Variants in BIN2 observed in about 807,000 individuals in gnomAD.
BIN2 encodes bridging integrator 2, also known as breast cancer associated protein BRAP1.
Under a neutral mutation model 67.9 loss-of-function variants are expected in BIN2, and 43 were observed. That is an observed-to-expected ratio of 0.63 (90% CI 0.50 to 0.82). The LOEUF (loss-of-function observed/expected upper bound fraction) is 0.82. Ranked by LOEUF, BIN2 falls within the 40% of genes least tolerant of loss-of-function variation. BIN2 has a pLI of 0.00. For missense variants in BIN2, 581 were observed against 671.6 expected (o/e 0.87, Z 1.49); for synonymous variants, 244 against 246.8 (o/e 0.99, Z 0.11).
chr12:51,291,371 G>C (rs1945375952), intron 10 of BIN2, among the ~76,000 whole-genome samples: 1 of 152,074 alleles, frequency 6.6e-6, no homozygotes, highest in Non-Finnish European at 1.5e-5. Context: ...CACTTTGGGA[G>C]GCCAAGACAG....
rs558389492 is a variant in BIN2, at chr12:51,292,310, C to T, written c.796G>A (p.Val266Ile). Residue 266 changes from valine (V) to isoleucine (I), a missense_variant, in exon 10 of 13, where the codon GTT becomes ATT. Coordinates refer to ENST00000615107, the MANE Select transcript of BIN2 (RefSeq NM_016293.4). ...GGACTGGAGACTGTAGCTGTTCGAA[C>T]TGGGGGAGAAATGACTAAAGAGCGC... Reference protein sequence around the residue: ...SRRSLVISPPVRTATVSSPLT... With the variant: ...SRRSLVISPPIRTATVSSPLT... 6.3e-7 allele frequency: 1 copy of T among 1,595,258 alleles called. No individual in the cohort carries two copies. The highest frequency in any genetic ancestry group is 2.2e-5 in the East Asian group (1 of 44,750).
chr12:51,315,661 G>T (rs117801073), intron 1 of BIN2, among the ~76,000 whole-genome samples: 1,786 of 152,286 alleles, frequency 0.012, 8 homozygotes, highest in Non-Finnish European at 0.018. Flanking sequence ...GGTTAGAGAG[G>T]TTGGGCAGGG....
At chr12:51,293,274 A>C (rs897528474) in intron 9 of BIN2, among the ~76,000 whole-genome samples, 2 of 151,786 alleles carry the variant, frequency 1.3e-5, no homozygotes, top group Non-Finnish European at 2.9e-5. Flanking sequence ...AGAATCTAGA[A>C]TATATCAGCC....
At position 51,292,442 on chromosome 12, in the gene BIN2, C is replaced by G. The variant is rs1029075262; in HGVS notation, c.762-98G>C. On this transcript the variant is annotated intron_variant, in intron 9 of 12. Transcript: ENST00000615107. ...GCATGTAATAAAAAAAAGAATAAAG[C>G]AATTTAAAATGTTAGAAAGTTTGCA... 3 of 1,312,774 alleles carry G rather than the reference C, an allele frequency of 2.3e-6. No individual in the cohort carries two copies. In the African/African-American group the frequency reaches 4.4e-5, roughly 19 times the overall value. 81.3% of individuals were successfully genotyped at this position (1,312,774 alleles called of 1,614,324 possible). A position where few individuals can be genotyped will look rare whatever the true frequency, so the allele number is the denominator to read the frequency against.
intron 2 of BIN2, among the ~76,000 whole-genome samples, chr12:51,303,858 T>A (rs1474398048): frequency 6.6e-6 from 1 of 152,250 alleles, no homozygotes; most frequent in Non-Finnish European, 1.5e-5. Flanking sequence ...CTCTGACAAA[T>A]GTTCATTTAG....
chr12:51,311,545 A>G (rs1056239648), intron 2 of BIN2, among the ~76,000 whole-genome samples: 4 of 151,742 alleles, frequency 2.6e-5, no homozygotes, highest in Admixed American at 2.0e-4. Context: ...ACACCTGGCT[A>G]ATTTTTGTAT....
intron 7 of BIN2, 116 bp downstream of exon 7, chr12:51,299,087 A>T: frequency 1.6e-6 from 1 of 621,672 alleles, no homozygotes; most frequent in Non-Finnish European, 2.7e-6. Flanking sequence ...AAAAAAAAAA[A>T]AGGGGGCGGG....
chr12:51,321,631 T>G (rs1300685160), intron 1 of BIN2, among the ~76,000 whole-genome samples: 1 of 152,196 alleles, frequency 6.6e-6, no homozygotes, highest in Non-Finnish European at 1.5e-5. Context: ...ACTCCCGACC[T>G]CAGGAGATCC....
chr12:51,291,515 C>T lies in BIN2; in HGVS notation c.1515+76G>A, dbSNP rs537309199. ...CTGTGATCGCACCACTACACTCCAG[C>T]CTGGACGCCTGAGTGAGACCCTAGC... On this transcript the variant is annotated intron_variant, in intron 10 of 12. Coordinates refer to ENST00000615107, the MANE Select transcript of BIN2 (RefSeq NM_016293.4). 4.9e-6 allele frequency: 7 copies of T among 1,414,178 alleles called. No individual in the cohort carries two copies. In the Admixed American group the frequency reaches 6.9e-5, roughly 14 times the overall value. The allele number at this position is 1,414,178 out of a possible 1,614,324, so 87.6% of individuals were successfully genotyped here.
At chr12:51,304,573 C>T (rs1315351792) in intron 2 of BIN2, among the ~76,000 whole-genome samples, 3 of 152,202 alleles carry the variant, frequency 2.0e-5, no homozygotes, top group Non-Finnish European at 4.4e-5. Context: ...TCTAGGGAGC[C>T]AGCCTACAGA....
At chr12:51,301,621 C>A (rs1945726947) in intron 5 of BIN2, among the ~76,000 whole-genome samples, 1 of 152,076 alleles carries the variant, frequency 6.6e-6, no homozygotes, top group Non-Finnish European at 1.5e-5. Flanking sequence ...TGATCCTTCA[C>A]CTCAGTCTCC....
chr12:51,314,722 C>T (rs1439169351), intron 1 of BIN2, among the ~76,000 whole-genome samples: 1 of 151,850 alleles, frequency 6.6e-6, no homozygotes, highest in Non-Finnish European at 1.5e-5. Context: ...TCGCTTGAAC[C>T]CAGCAGGCAG....
chr12:51,282,533 T>C (rs571043580), intron 12 of BIN2, among the ~76,000 whole-genome samples: 125 of 152,316 alleles, frequency 8.2e-4, no homozygotes, highest in African/African-American at 2.8e-3. Flanking sequence ...ACATAACACT[T>C]GATAACAATA....
At chr12:51,324,405 C>T, upstream of BIN2, 1 of 1,380,752 alleles carries the variant, frequency 7.2e-7, no homozygotes, top group Non-Finnish European at 9.6e-7. Flanking sequence ...GTGGTGGGCC[C>T]ACACTCACTC....
chr12:51,323,011 G>A (rs897941016), intron 1 of BIN2: 7 of 152,162 alleles, frequency 4.6e-5, no homozygotes, highest in African/African-American at 1.4e-4. Context: ...TTGGTAAGCA[G>A]AGCTGTTCAT....
rs146052824 is a variant in BIN2, at chr12:51,281,177, T to C, written c.*322A>G. On this transcript the variant is annotated 3_prime_UTR_variant, in exon 13 of 13. Coordinates refer to ENST00000615107, the MANE Select transcript of BIN2 (RefSeq NM_016293.4). ...GGTTATGTCTCTGTATAGGCAAGTGTCTGTGTCTATAGATACTTTTGCTTT... is the reference window on the plus strand; with the variant it reads ...GGTTATGTCTCTGTATAGGCAAGTGCCTGTGTCTATAGATACTTTTGCTTT... 5.1e-4 allele frequency: 174 copies of C among 343,420 alleles called. 2 individuals are homozygous for C. In the East Asian group the frequency reaches 8.8e-3, roughly 17 times the overall value. 21.3% of individuals were successfully genotyped at this position (343,420 alleles called of 1,614,324 possible).
chr12:51,297,288 G>A (rs538366798), intron 7 of BIN2, 124 bp from the exon 8 acceptor site: 21 of 890,700 alleles, frequency 2.4e-5, no homozygotes, highest in African/African-American at 1.2e-4. Flanking sequence ...AAGCCATCCC[G>A]CTGGGCACAG....
chr12:51,302,903 G>A (rs1565681420), intron 3 of BIN2, 123 bp from the exon 4 acceptor site: 3 of 1,144,484 alleles, frequency 2.6e-6, no homozygotes, highest in Non-Finnish European at 3.9e-6. Flanking sequence ...GGTTATATAA[G>A]TGAGGAAAGC....
chr12:51,314,017 CTTATTTA>C (rs1946062295), intron 1 of BIN2, 114 bp from the exon 2 acceptor site: 6 of 243,088 alleles, frequency 2.5e-5, no homozygotes, highest in Non-Finnish European at 4.0e-5. Flanking sequence ...AAGGGCTGTA[CTTATTTA>C]TTTATTTATT....
Sources: gnomAD v4.1 joint callset for allele counts (sites outside exome capture counted in the v4.1 genomes callset) on GRCh38, gnomAD v4.1.1 for gene constraint, MANE v1.5 for transcripts, NCBI Gene and HGNC (gene_info 2026-07-23, HGNC 2026-07-21) for gene names.